ATG7: variants seen among roughly 807,000 people sequenced by gnomAD.
The protein encoded by ATG7 is autophagy related 7, also known as ubiquitin-like modifier-activating enzyme ATG7.
A neutral mutation model predicts 82.4 loss-of-function variants in ATG7; 70 were observed. The observed-to-expected ratio is 0.85, with a 90% confidence interval of 0.70 to 1.04. The LOEUF is 1.04. Ranked by LOEUF, ATG7 falls within the 50% of genes least tolerant of loss-of-function variation. The pLI is 0.00. For synonymous variants in ATG7, 287 were observed against 313.0 expected (o/e 0.92, Z 0.88); for missense variants, 792 against 864.3 (o/e 0.92, Z 1.05).
chr3:11,395,678 C>A (rs756376919), intron 19 of ATG7, among the ~76,000 whole-genome samples: 1 of 152,226 alleles, frequency 6.6e-6, no homozygotes, highest in South Asian at 2.1e-4. Context: ...CAGTGGCTCA[C>A]GCCTGTAATC....
At chr3:11,468,495 C>G (rs2087067427) in intron 20 of ATG7, among the ~76,000 whole-genome samples, 1 of 152,196 alleles carries the variant, frequency 6.6e-6, no homozygotes, top group African/African-American at 2.4e-5. Flanking sequence ...GCTGCTGGGA[C>G]TTAGGCACTG....
At chr3:11,405,446 C>T (rs570785928) in intron 19 of ATG7, among the ~76,000 whole-genome samples, 4 of 152,176 alleles carry the variant, frequency 2.6e-5, no homozygotes, top group African/African-American at 9.7e-5. Context: ...CTTGAATACA[C>T]AGCCCCAGAT....
At chr3:11,456,044 T>A (rs1006620367) in intron 20 of ATG7, among the ~76,000 whole-genome samples, 4 of 152,212 alleles carry the variant, frequency 2.6e-5, no homozygotes, top group Admixed American at 6.5e-5. Flanking sequence ...TAATTTTTTT[T>A]AATATTCAGA....
the ATG7 span, chr3:11,568,564 G>A: frequency 1.3e-6 from 2 of 1,553,724 alleles, no homozygotes; most frequent in Admixed American, 1.9e-5. This position sits in a 1 kb window ranked among gnomAD's most constrained non-coding sequence, Gnocchi z 5.9. Context: ...AAGGCCTGGA[G>A]AACTGGCTGG....
chr3:11,491,586 T>TC (rs1438601037), intron 20 of ATG7, among the ~76,000 whole-genome samples: 2 of 152,190 alleles, frequency 1.3e-5, no homozygotes, highest in Non-Finnish European at 2.9e-5. Context: ...CTCTGTTTTT[T>TC]CCCCGTCTTT....
At chr3:11,475,109 G>C (rs1490842625) in intron 20 of ATG7, among the ~76,000 whole-genome samples, 4 of 152,008 alleles carry the variant, frequency 2.6e-5, no homozygotes, top group Admixed American at 2.6e-4. Flanking sequence ...AAGGTTTGGG[G>C]TGAATGCTGG....
Position 11,331,423 on chromosome 3 carries a change from C to T in ATG7, c.762C>T (p.His254=). 1 of 1,598,028 alleles carries T rather than the reference C, an allele frequency of 6.3e-7. No individual in the cohort carries two copies. The highest frequency in any genetic ancestry group is 1.3e-5 in the African/African-American group (1 of 74,636). ...GGAATTTTTTGGTCCTAGCAGCCCACAGATGGTATTTACAAGAGTGTGTGT... is the reference window on the plus strand; with the variant it reads ...GGAATTTTTTGGTCCTAGCAGCCCATAGATGGTATTTACAAGAGTGTGTGT... ...PLRNFLVLAA[H]RWSSSFQSVE... is the part of the protein sequence containing the mutation. The change falls in exon 10 of 21, where the codon CAC becomes CAT. Residue 254 remains histidine (H), a synonymous_variant. Coordinates refer to ENST00000693202, the MANE Select transcript of ATG7 (RefSeq NM_001349232.2).
chr3:11,460,940 C>T (rs1221651143), intron 20 of ATG7, among the ~76,000 whole-genome samples: 1 of 152,174 alleles, frequency 6.6e-6, no homozygotes, highest in Non-Finnish European at 1.5e-5. Context: ...GACCAACATC[C>T]TCAATATGTC....
chr3:11,503,923 G>A, intron 20 of ATG7, among the ~76,000 whole-genome samples: 1 of 151,988 alleles, frequency 6.6e-6, no homozygotes, highest in South Asian at 2.1e-4. Context: ...ATGAAAAGAT[G>A]GATCAGGCTA....
At chr3:11,288,069 C>G (rs116690337) in intron 3 of ATG7, among the ~76,000 whole-genome samples, 130 of 152,268 alleles carry the variant, frequency 8.5e-4, no homozygotes, top group Admixed American at 2.9e-3. Flanking sequence ...CCTGCAGTGC[C>G]TTAAAATATT....
At chr3:11,453,070 A>G (rs2880897) in intron 20 of ATG7, among the ~76,000 whole-genome samples, 78,758 of 152,080 alleles carry the variant, frequency 0.52, 21,043 homozygotes, top group East Asian at 0.67. Context: ...AAGCCTGGAG[A>G]ATCTACAGCT....
intron 11 of ATG7, among the ~76,000 whole-genome samples, chr3:11,336,484 T>C (rs886232572): frequency 3.3e-5 from 5 of 152,196 alleles, no homozygotes; most frequent in Admixed American, 6.5e-5. Context: ...TTCCTGTTTT[T>C]CATGTAAATT....
chr3:11,517,987 G>A (rs2092331275), intron 20 of ATG7, among the ~76,000 whole-genome samples: 1 of 152,212 alleles, frequency 6.6e-6, no homozygotes, highest in Non-Finnish European at 1.5e-5. Flanking sequence ...CCCAGTCAGA[G>A]AGGGCAGGCT....
chr3:11,514,872 G>A (rs1490360559), intron 20 of ATG7, among the ~76,000 whole-genome samples: 2 of 144,698 alleles, frequency 1.4e-5, no homozygotes, highest in African/African-American at 5.2e-5. Flanking sequence ...AGAGAGTCTC[G>A]CTCTGTCACC....
rs537692442 is a variant in ATG7, at chr3:11,381,863, G to A, written c.1956+1811G>A. Among the ~76,000 whole-genome samples, 18 of 152,124 alleles carry A rather than the reference G, an allele frequency of 1.2e-4. No individual in the cohort carries two copies. The South Asian group carries it at 3.5e-3, about 30-fold the overall frequency. On this transcript the variant is annotated intron_variant, in intron 19 of 20. Coordinates refer to ENST00000693202, the MANE Select transcript of ATG7 (RefSeq NM_001349232.2). ...TAGAAACGCAGCATTTACTTACTTG[G>A]CTACCTTCTTTATTTGCTTAGGAGA...
At chr3:11,535,127 G>C (rs985283681) in intron 20 of ATG7, among the ~76,000 whole-genome samples, 1 of 152,238 alleles carries the variant, frequency 6.6e-6, no homozygotes, top group South Asian at 2.1e-4. Context: ...GGCCCCCCTT[G>C]AGGCTGACAT....
At chr3:11,462,273 C>T (rs1216705277) in intron 20 of ATG7, among the ~76,000 whole-genome samples, 2 of 151,830 alleles carry the variant, frequency 1.3e-5, no homozygotes, top group Non-Finnish European at 1.5e-5. Context: ...GTTTTATGTT[C>T]TTTTATGAGA....
At chr3:11,491,084 T>TTTTCCCCGTCAC (rs1174391236) in intron 20 of ATG7, among the ~76,000 whole-genome samples, 1 of 152,252 alleles carries the variant, frequency 6.6e-6, no homozygotes, top group Non-Finnish European at 1.5e-5. Flanking sequence ...CTTGGTTCCA[T>TTTTCCCCGTCAC]TTTCCCCGTC....
At chr3:11,336,087 T>C (rs190885978) in intron 11 of ATG7, among the ~76,000 whole-genome samples, 100 of 146,916 alleles carry the variant, frequency 6.8e-4, no homozygotes, top group Non-Finnish European at 1.1e-3. Context: ...TTGCCCAGAC[T>C]GGAGTGCAGT....
Sources: allele counts gnomAD v4.1 joint callset (sites outside exome capture counted in the v4.1 genomes callset), GRCh38; gene constraint gnomAD v4.1.1; non-coding constraint Gnocchi (gnomAD v3.1); transcripts MANE v1.5; gene names NCBI Gene and HGNC (gene_info 2026-07-23, HGNC 2026-07-21).